Variants in CHST11 observed in about 807,000 individuals in gnomAD.
CHST11 encodes C4S-1.
Under a neutral mutation model 30.4 loss-of-function variants are expected in CHST11, and 9 were observed. That is an observed-to-expected ratio of 0.30 (90% confidence interval 0.18 to 0.52). The LOEUF is 0.52. Among genes scored for constraint, CHST11 ranks in the 20% least tolerant of loss-of-function variants. The pLI is 0.97. For synonymous variants in CHST11, 152 were observed against 187.8 expected (o/e 0.81, Z 1.56); for missense variants, 348 against 460.6 (o/e 0.76, Z 2.24).
intron 1 of CHST11, among the ~76,000 whole-genome samples, chr12:104,470,188 G>A (rs1171254577): frequency 6.6e-6 from 1 of 152,144 alleles, no homozygotes; most frequent in African/African-American, 2.4e-5. Context: ...ATCAATAGTC[G>A]GGAAACCCTG....
chr12:104,502,748 A>G (rs1360164767), intron 1 of CHST11, among the ~76,000 whole-genome samples: 1 of 152,226 alleles, frequency 6.6e-6, no homozygotes, highest in Admixed American at 6.5e-5. Context: ...AGTTCATGAA[A>G]GAATTTTAAC....
At chr12:104,525,247 T>C (rs945878451) in intron 1 of CHST11, among the ~76,000 whole-genome samples, 9 of 152,182 alleles carry the variant, frequency 5.9e-5, no homozygotes, top group African/African-American at 2.2e-4. Context: ...TGCCTCAGCC[T>C]GCCAAAGTGC....
At chr12:104,662,911 T>C (rs944725084) in intron 2 of CHST11, among the ~76,000 whole-genome samples, 1 of 152,258 alleles carries the variant, frequency 6.6e-6, no homozygotes, top group African/African-American at 2.4e-5. Flanking sequence ...ATAAATGATT[T>C]AGTTGAAATA....
At chr12:104,623,145 C>G (rs2039176504) in intron 2 of CHST11, among the ~76,000 whole-genome samples, 1 of 152,208 alleles carries the variant, frequency 6.6e-6, no homozygotes, top group Non-Finnish European at 1.5e-5. Flanking sequence ...CAGATTTCAT[C>G]CACAGGGGTT....
intron 1 of CHST11, among the ~76,000 whole-genome samples, chr12:104,548,997 C>T (rs1259570439): frequency 6.6e-6 from 1 of 152,210 alleles, no homozygotes; most frequent in African/African-American, 2.4e-5. Context: ...ATAAATTGAC[C>T]TGGTCCTTCA....
intron 1 of CHST11, among the ~76,000 whole-genome samples, chr12:104,553,996 A>C (rs780516546): frequency 5.9e-5 from 9 of 152,048 alleles, no homozygotes; most frequent in Admixed American, 1.3e-4. Flanking sequence ...AGCTCACATG[A>C]TTGCTGGCAG....
intron 1 of CHST11, among the ~76,000 whole-genome samples, chr12:104,533,725 C>A (rs1006109636): frequency 1.3e-5 from 2 of 152,324 alleles, no homozygotes; most frequent in Non-Finnish European, 1.5e-5. Flanking sequence ...GGATCATTAT[C>A]ACTTGTCGGG....
intron 1 of CHST11, among the ~76,000 whole-genome samples, chr12:104,506,812 C>T (rs541952632): frequency 5.9e-5 from 9 of 152,264 alleles, no homozygotes; most frequent in South Asian, 2.1e-4. Context: ...AGCCATCATT[C>T]GTTACTTGGC....
chr12:104,602,507 G>C (rs541750844), intron 2 of CHST11, among the ~76,000 whole-genome samples: 1 of 152,192 alleles, frequency 6.6e-6, no homozygotes, highest in African/African-American at 2.4e-5. Context: ...AGCAAACGTG[G>C]CCTCTGTGCC....
intron 2 of CHST11, among the ~76,000 whole-genome samples, chr12:104,611,796 G>A (rs1318247343): frequency 6.6e-6 from 1 of 152,216 alleles, no homozygotes; most frequent in Non-Finnish European, 1.5e-5. Flanking sequence ...GAGTATTGTG[G>A]AAGGGCTAAC....
At chr12:104,527,884 C>CA (rs2038144062) in intron 1 of CHST11, among the ~76,000 whole-genome samples, 1 of 152,102 alleles carries the variant, frequency 6.6e-6, no homozygotes, top group African/African-American at 2.4e-5. Flanking sequence ...TACATGGCAG[C>CA]AGGAGAGAGA....
chr12:104,526,487 G>A (rs2038127062), intron 1 of CHST11, among the ~76,000 whole-genome samples: 1 of 152,152 alleles, frequency 6.6e-6, no homozygotes, highest in Admixed American at 6.6e-5. Context: ...TTGTGCTGCT[G>A]GGATGTCTTT....
intron 2 of CHST11, among the ~76,000 whole-genome samples, chr12:104,610,318 A>G (rs1218623085): frequency 5.3e-5 from 8 of 152,190 alleles, no homozygotes; most frequent in Admixed American, 4.6e-4. Flanking sequence ...AGCTTTCTTT[A>G]TAGGCAGTTG....
rs555073168 is a variant in CHST11, at chr12:104,560,411, T to TG, written c.119-41488dup. ...GGAGTGGGAAGGTTTGGTTGAGCCA[T>TG]GGGGGGGTTCATGGTACCTTCTAGG... On this transcript the variant is annotated intron_variant, in intron 1 of 2. Coordinates refer to ENST00000303694, the MANE Select transcript of CHST11 (RefSeq NM_018413.6). 1.6e-4 allele frequency among the ~76,000 whole-genome samples: 25 copies of TG among 151,962 alleles called. No homozygotes were observed. In the South Asian group the frequency reaches 3.1e-3, roughly 19 times the overall value.
chr12:104,730,275 G>A (rs1278678976), intron 2 of CHST11, among the ~76,000 whole-genome samples: 5 of 152,204 alleles, frequency 3.3e-5, no homozygotes, highest in Admixed American at 6.5e-5. Flanking sequence ...CTGTTCACAC[G>A]GCCTCTTGTA....
intron 1 of CHST11, among the ~76,000 whole-genome samples, chr12:104,532,408 A>C (rs1342184670): frequency 2.0e-5 from 3 of 152,140 alleles, no homozygotes; most frequent in Admixed American, 6.6e-5. Flanking sequence ...ACAGTCTCAA[A>C]AACCTGTAGG....
intron 1 of CHST11, among the ~76,000 whole-genome samples, chr12:104,563,133 C>T (rs140818672): frequency 1.9e-3 from 289 of 152,222 alleles, no homozygotes; most frequent in African/African-American, 6.5e-3. Flanking sequence ...TCCGTCCCCC[C>T]GGGTTCAAGT....
At position 104,503,295 on chromosome 12, in the gene CHST11, T is replaced by C. The variant is rs1010747354; in HGVS notation, c.118+45766T>C. Among the ~76,000 whole-genome samples, 7 of 152,202 alleles carry C rather than the reference T, an allele frequency of 4.6e-5. No individual in the cohort carries two copies. The East Asian group carries it at 5.8e-4, about 13-fold the overall frequency. On this transcript the variant is annotated intron_variant, in intron 1 of 2. Transcript: ENST00000303694. ...CAAGAGAGAAGGAACTGTTGTTAGA[T>C]GGTAGGAGTATGTCCATTCAGACAT...
intron 2 of CHST11, among the ~76,000 whole-genome samples, chr12:104,687,321 A>T (rs943506259): frequency 1.3e-5 from 2 of 152,262 alleles, no homozygotes; most frequent in African/African-American, 4.8e-5. Context: ...CATCAGAGGC[A>T]CTAAGTAAAT....
Sources: gnomAD v4.1 joint callset for allele counts (sites outside exome capture counted in the v4.1 genomes callset) on GRCh38, gnomAD v4.1.1 for gene constraint, MANE v1.5 for transcripts, NCBI Gene and HGNC (gene_info 2026-07-23, HGNC 2026-07-21) for gene names.